ADAM23: variants seen among roughly 807,000 people sequenced by gnomAD.
ADAM23 encodes ADAM metallopeptidase domain 23, also known as disintegrin and metalloproteinase domain-containing protein 23.
A neutral mutation model predicts 120.1 loss-of-function variants in ADAM23; 33 were observed. The ratio of observed to expected loss-of-function variants is 0.27; its 90% confidence interval spans 0.21 to 0.37. The LOEUF (loss-of-function observed/expected upper bound fraction) is 0.37, where lower values mean the gene tolerates loss of function less well. Ranked by LOEUF, ADAM23 falls within the 10% of genes least tolerant of loss-of-function variation. ADAM23 has a pLI of 1.00. For synonymous variants in ADAM23, 367 were observed against 375.2 expected, an observed-to-expected ratio of 0.98 and a Z score of 0.25; for missense variants, 862 against 1,058.2, an observed-to-expected ratio of 0.81 and a Z score of 2.57.
chr2:206,500,196 C>T (rs1297354241), intron 3 of ADAM23, among the ~76,000 whole-genome samples: 1 of 151,676 alleles, frequency 6.6e-6, no homozygotes, highest in Non-Finnish European at 1.5e-5. Flanking sequence ...TAGATGATCT[C>T]GTACTCATTG....
intron 2 of ADAM23, among the ~76,000 whole-genome samples, chr2:206,480,413 G>A (rs762398767): frequency 6.6e-5 from 10 of 151,668 alleles, no homozygotes; most frequent in South Asian, 6.2e-4. Flanking sequence ...GAGGAAGGAC[G>A]TTAGTGAGTC....
intron 24 of ADAM23, among the ~76,000 whole-genome samples, chr2:206,607,370 A>G (rs896461378): frequency 6.6e-6 from 1 of 152,210 alleles, no homozygotes; most frequent in African/African-American, 2.4e-5. Flanking sequence ...AGCTCCATGC[A>G]TGCATTTATG....
intron 5 of ADAM23, among the ~76,000 whole-genome samples, chr2:206,542,593 A>G (rs1341518499): frequency 1.3e-5 from 2 of 152,178 alleles, no homozygotes; most frequent in Admixed American, 6.5e-5. Flanking sequence ...GGGCTCTAAC[A>G]AAACCATGTG....
At chr2:206,588,791 A>G (rs1402581043) in intron 20 of ADAM23, among the ~76,000 whole-genome samples, 1 of 152,232 alleles carries the variant, frequency 6.6e-6, no homozygotes, top group Non-Finnish European at 1.5e-5. Flanking sequence ...GTTCACCCCA[A>G]AGGAAAAGAA....
chr2:206,593,494 A>G (rs1019480997), intron 22 of ADAM23, among the ~76,000 whole-genome samples: 6 of 152,318 alleles, frequency 3.9e-5, no homozygotes, highest in Admixed American at 2.0e-4. Flanking sequence ...GGATTATCCA[A>G]AAGTAATTTT....
chr2:206,496,771 G>A (rs1172489346), intron 3 of ADAM23, among the ~76,000 whole-genome samples: 1 of 151,926 alleles, frequency 6.6e-6, no homozygotes, highest in Admixed American at 6.6e-5. Context: ...TAATAAAGAA[G>A]AAAAGAGAGA....
chr2:206,523,332 T>C (rs551517509), intron 3 of ADAM23, among the ~76,000 whole-genome samples: 1 of 152,338 alleles, frequency 6.6e-6, no homozygotes, highest in Admixed American at 6.5e-5. Flanking sequence ...CTATAACCTA[T>C]TCATGCTAGG....
chr2:206,450,896 C>T (rs369853090), intron 2 of ADAM23, among the ~76,000 whole-genome samples: 4 of 152,140 alleles, frequency 2.6e-5, no homozygotes, highest in Admixed American at 6.5e-5. Flanking sequence ...CTGGGGAAAA[C>T]GAAGAAGACT....
At chr2:206,572,597 C>A (rs1298079889) in intron 17 of ADAM23, among the ~76,000 whole-genome samples, 1 of 152,118 alleles carries the variant, frequency 6.6e-6, no homozygotes, top group African/African-American at 2.4e-5. Flanking sequence ...TTACCCACAC[C>A]CTCCTCAAAT....
chr2:206,560,377 C>T lies in ADAM23; in HGVS notation c.1169+259C>T, dbSNP rs116399447. Among the ~76,000 whole-genome samples the T allele has an allele frequency of 3.9e-3, 595 of 151,780 alleles. 5 individuals are homozygous for T. The highest frequency in any genetic ancestry group is 0.013 in the African/African-American group (542 of 41,380). On this transcript the variant is annotated intron_variant, in intron 11 of 25. Coordinates refer to ENST00000264377, the MANE Select transcript of ADAM23 (RefSeq NM_003812.4). The stretch of plus-strand genomic sequence containing the variant: ...CTCACAATCTAGGATGCCTGCTGGC[C>T]CTCCAGCCTTCATTACTGGCAGCGG...
intron 3 of ADAM23, among the ~76,000 whole-genome samples, chr2:206,485,935 G>A (rs1326948010): frequency 6.6e-6 from 1 of 152,216 alleles, no homozygotes. Flanking sequence ...GAAGGCTGAG[G>A]GTTCTGCACA....
intron 3 of ADAM23, among the ~76,000 whole-genome samples, chr2:206,525,939 A>G (rs1696935820): frequency 6.6e-6 from 1 of 151,982 alleles, no homozygotes; most frequent in Admixed American, 6.6e-5. Flanking sequence ...AAAAAACTGG[A>G]TCTACTCTTC....
rs77988408 is a variant in ADAM23 at position 206,542,258 on chromosome 2, A to T, written c.656+124A>T. The T allele has an allele frequency of 5.4e-4, 486 of 902,192 alleles. No homozygotes were observed. The African/African-American group carries it at 6.6e-3, about 12-fold the overall frequency. 55.9% of individuals were successfully genotyped at this position (902,192 alleles called of 1,614,324 possible). A position where few individuals can be genotyped will look rare whatever the true frequency, so the allele number is the denominator to read the frequency against. Reference sequence around the variant, plus strand: ...TTAGGGACTGCATGTGGAGTGGTGCACAAGGAGGGCAATGTCCCTGTCCTC... The same window carrying T: ...TTAGGGACTGCATGTGGAGTGGTGCTCAAGGAGGGCAATGTCCCTGTCCTC... On this transcript the variant is annotated intron_variant, in intron 5 of 25. Coordinates refer to ENST00000264377, the MANE Select transcript of ADAM23 (RefSeq NM_003812.4).
Position 206,445,609 on chromosome 2 carries a change from A to G in ADAM23, c.432+85A>G, listed in dbSNP as rs1695067738. On this transcript the variant is annotated intron_variant, in intron 2 of 25. Transcript: ENST00000264377. Reference sequence around the variant, plus strand: ...TTTTCTGCCAGAATCTGAGTTCACAAATTTTACTGCAGCATTTTATTAAGA... The same window carrying G: ...TTTTCTGCCAGAATCTGAGTTCACAGATTTTACTGCAGCATTTTATTAAGA... 4 of 1,165,458 alleles carry G rather than the reference A, an allele frequency of 3.4e-6. No individual in the cohort carries two copies. The South Asian group carries it at 4.5e-5, about 13-fold the overall frequency. 72.2% of individuals were successfully genotyped at this position (1,165,458 alleles called of 1,614,324 possible).
chr2:206,595,484 G>T (rs1698506268), intron 23 of ADAM23, among the ~76,000 whole-genome samples: 1 of 151,514 alleles, frequency 6.6e-6, no homozygotes, highest in Non-Finnish European at 1.5e-5. Flanking sequence ...GGGTGTGGGG[G>T]TGTGGTGGGG....
chr2:206,581,510 T>G (rs1042369209), intron 18 of ADAM23, among the ~76,000 whole-genome samples: 1 of 152,260 alleles, frequency 6.6e-6, no homozygotes, highest in Admixed American at 6.5e-5. Flanking sequence ...TTATTTAATT[T>G]CCACGTATTT....
chr2:206,550,178 G>A lies in ADAM23; in HGVS notation c.933+18G>A. On this transcript the variant is annotated intron_variant, in intron 9 of 25. Coordinates refer to ENST00000264377, the MANE Select transcript of ADAM23 (RefSeq NM_003812.4). ...ACAAAACGGTAAGAATATAGAGTCAGTGGGTTTTAGAACAGATAGCTTACT... is the reference window on the plus strand; with the variant it reads ...ACAAAACGGTAAGAATATAGAGTCAATGGGTTTTAGAACAGATAGCTTACT... 1.3e-6 allele frequency: 2 copies of A among 1,495,568 alleles called. No individual in the cohort carries two copies. The highest frequency in any genetic ancestry group is 1.4e-5 in the African/African-American group (1 of 71,504). 92.6% of individuals were successfully genotyped at this position (1,495,568 alleles called of 1,614,324 possible).
intron 18 of ADAM23, among the ~76,000 whole-genome samples, chr2:206,576,943 C>G (rs917427667): frequency 6.6e-6 from 1 of 152,056 alleles, no homozygotes; most frequent in African/African-American, 2.4e-5. Context: ...TTAAAATAAA[C>G]ACTTCTAAAT....
intron 18 of ADAM23, among the ~76,000 whole-genome samples, chr2:206,579,296 A>T (rs1222455230): frequency 6.6e-6 from 1 of 152,098 alleles, no homozygotes; most frequent in African/African-American, 2.4e-5. Flanking sequence ...CTTGGTCATG[A>T]AATCTTTGCC....
Sources: allele counts gnomAD v4.1 joint callset (sites outside exome capture counted in the v4.1 genomes callset), GRCh38; gene constraint gnomAD v4.1.1; transcripts MANE v1.5; gene names NCBI Gene and HGNC (gene_info 2026-07-23, HGNC 2026-07-21).